ADCY8: variants seen among roughly 807,000 people sequenced by gnomAD.
ADCY8 encodes adenylate cyclase type 8.
A neutral mutation model predicts 119.7 loss-of-function variants in ADCY8; 51 were observed. That is an observed-to-expected ratio of 0.43 (90% CI 0.34 to 0.54). The LOEUF is 0.54. Among genes scored for constraint, ADCY8 ranks in the 20% least tolerant of loss-of-function variants. The pLI is 0.03. For missense variants in ADCY8, 1,383 were observed against 1,598.8 expected, an observed-to-expected ratio of 0.87 and a Z score of 2.30; for synonymous variants, 665 against 651.0, an observed-to-expected ratio of 1.02 and a Z score of -0.33.
intron 5 of ADCY8, among the ~76,000 whole-genome samples, chr8:130,935,216 T>C (rs755394753): frequency 6.6e-5 from 10 of 152,204 alleles, no homozygotes; most frequent in South Asian, 2.1e-4. Flanking sequence ...TCGAAGAGGC[T>C]TGGATGCATG....
chr8:130,813,314 T>C (rs896117323), intron 14 of ADCY8, among the ~76,000 whole-genome samples: 1 of 152,138 alleles, frequency 6.6e-6, no homozygotes, highest in Non-Finnish European at 1.5e-5. Context: ...GCAACCATCT[T>C]CACCATCTAT....
At chr8:130,787,824 G>A (rs1815304710) in intron 15 of ADCY8, among the ~76,000 whole-genome samples, 1 of 150,542 alleles carries the variant, frequency 6.6e-6, no homozygotes, top group South Asian at 2.1e-4. Context: ...ATGTGCATGT[G>A]CATCCACATG....
chr8:130,987,539 A>ACCC (rs1822439986), intron 2 of ADCY8, among the ~76,000 whole-genome samples: 1 of 151,958 alleles, frequency 6.6e-6, no homozygotes, highest in Non-Finnish European at 1.5e-5. Flanking sequence ...ATCCCACAAA[A>ACCC]CCCAGTCATT....
chr8:130,992,382 C>T (rs1822608305), intron 1 of ADCY8, among the ~76,000 whole-genome samples: 1 of 78,054 alleles, frequency 1.3e-5, no homozygotes, highest in Non-Finnish European at 2.7e-5. Context: ...CTGTATCTGG[C>T]ATATATATAT....
Position 130,849,752 on chromosome 8 carries a change from A to G in ADCY8, c.2262T>C (p.Ala754=), listed in dbSNP as rs1157339297. 1 of 1,613,680 alleles carries G rather than the reference A, an allele frequency of 6.2e-7. No homozygotes were observed. The highest frequency in any genetic ancestry group is 1.7e-5 in the Admixed American group (1 of 59,994). The part of the protein sequence containing the change: ...QFSILIMLHS[A]LVLITTAEDY... ...CCTCTGCTGTGGTGATGAGGACCAG[A>G]GCCGAGTGCAGCATAATCAGAATGG... The change falls in exon 10 of 18, where the codon GCT becomes GCC. Residue 754 remains alanine, a synonymous_variant. Transcript: ENST00000286355.
At chr8:131,038,877 T>C (rs1435097504) in intron 1 of ADCY8, among the ~76,000 whole-genome samples, 2 of 152,156 alleles carry the variant, frequency 1.3e-5, no homozygotes, top group Non-Finnish European at 2.9e-5. Flanking sequence ...TGACAATCAG[T>C]ATGTGTTTAA....
At chr8:130,783,366 T>C (rs1446756687) in intron 17 of ADCY8, among the ~76,000 whole-genome samples, 1 of 152,240 alleles carries the variant, frequency 6.6e-6, no homozygotes, top group Non-Finnish European at 1.5e-5. Context: ...ATTAAATGAC[T>C]GATTAGTCAG....
At chr8:131,002,665 T>TAA (rs34152328) in intron 1 of ADCY8, among the ~76,000 whole-genome samples, 1 of 140,400 alleles carries the variant, frequency 7.1e-6, no homozygotes, top group Non-Finnish European at 1.6e-5. Flanking sequence ...TAAGAAAAGG[T>TAA]AAAAAAAAAA....
chr8:131,010,817 G>A lies in ADCY8; in HGVS notation c.961-20275C>T, dbSNP rs147607806. Among the ~76,000 whole-genome samples, 69 of 152,342 alleles carry A rather than the reference G, an allele frequency of 4.5e-4. No individual in the cohort carries two copies. In the East Asian group the frequency reaches 0.01, roughly 23 times the overall value. On this transcript the variant is annotated intron_variant, in intron 1 of 17. Transcript: ENST00000286355. ...ATACAAGCCAACTGCTTTATCTGGA[G>A]TTCAACCATACAGAAAGGAAATTTG...
intron 14 of ADCY8, among the ~76,000 whole-genome samples, chr8:130,801,195 T>G (rs910156880): frequency 6.6e-6 from 1 of 152,204 alleles, no homozygotes; most frequent in South Asian, 2.1e-4. Flanking sequence ...TCATTCTTGG[T>G]AAGCTTCCTT....
At position 130,929,460 on chromosome 8, in the gene ADCY8, AT is replaced by A. The variant is rs1331960554; in HGVS notation, c.1481+7612del. Among the ~76,000 whole-genome samples the A allele has an allele frequency of 3.3e-5, 5 of 152,158 alleles. No homozygotes were observed. In the East Asian group the frequency reaches 9.7e-4, roughly 29 times the overall value. On this transcript the variant is annotated intron_variant, in intron 5 of 17. Transcript: ENST00000286355. ...TGAATTTTGTGAAGTTCCTCCTGTT[AT>A]TAATTTCTAGTGTTATACCCTTGTG... is the stretch of plus-strand genomic sequence containing the variant.
At chr8:130,998,096 A>G (rs1244810640) in intron 1 of ADCY8, among the ~76,000 whole-genome samples, 6 of 152,150 alleles carry the variant, frequency 3.9e-5, no homozygotes, top group African/African-American at 1.2e-4. Flanking sequence ...CAAAGCAGAT[A>G]ATGTCCTGCT....
At chr8:130,813,027 A>G (rs1816218939) in intron 14 of ADCY8, among the ~76,000 whole-genome samples, 2 of 150,904 alleles carry the variant, frequency 1.3e-5, no homozygotes, top group Non-Finnish European at 2.9e-5. Context: ...AACTCACTGC[A>G]ACCTCTGCCC....
At chr8:130,920,322 A>G (rs1000103463) in intron 5 of ADCY8, among the ~76,000 whole-genome samples, 1 of 152,108 alleles carries the variant, frequency 6.6e-6, no homozygotes. Flanking sequence ...ACAGTGTGCC[A>G]GGGACACTGT....
intron 1 of ADCY8, among the ~76,000 whole-genome samples, chr8:131,027,930 G>A (rs1042488675): frequency 2.0e-5 from 3 of 152,216 alleles, no homozygotes; most frequent in African/African-American, 7.2e-5. Context: ...ACACTATGCT[G>A]TAGAGACTTA....
intron 10 of ADCY8, among the ~76,000 whole-genome samples, 166 bp from the exon 11 acceptor site, chr8:130,847,679 A>G (rs1563690363): frequency 6.6e-6 from 1 of 152,202 alleles, no homozygotes. Context: ...TGGAAGTGCC[A>G]AAGTGCCAGC....
At chr8:131,005,938 G>A (rs1377428179) in intron 1 of ADCY8, among the ~76,000 whole-genome samples, 1 of 152,096 alleles carries the variant, frequency 6.6e-6, no homozygotes, top group Non-Finnish European at 1.5e-5. Flanking sequence ...CTGGAACCCT[G>A]AATAATACAT....
chr8:130,821,868 C>T (rs1816521348), intron 12 of ADCY8, among the ~76,000 whole-genome samples: 1 of 152,184 alleles, frequency 6.6e-6, no homozygotes, highest in Non-Finnish European at 1.5e-5. Context: ...TGAAAATGTA[C>T]ATTCTTAGGG....
chr8:130,952,895 G>T (rs1311469025), intron 2 of ADCY8, among the ~76,000 whole-genome samples: 2 of 152,170 alleles, frequency 1.3e-5, no homozygotes, highest in African/African-American at 4.8e-5. Flanking sequence ...ACATACAAAA[G>T]AAACCAGGCT....
Sources: gnomAD v4.1 joint callset for allele counts (sites outside exome capture counted in the v4.1 genomes callset) on GRCh38, gnomAD v4.1.1 for gene constraint, MANE v1.5 for transcripts, NCBI Gene and HGNC (gene_info 2026-07-23, HGNC 2026-07-21) for gene names.